SUMF1: variants seen among roughly 807,000 people sequenced by gnomAD.
The protein encoded by SUMF1 is sulfatase modifying factor 1.
SUMF1 carries 48 observed loss-of-function variants against 47.6 expected under a neutral mutation model. The observed-to-expected ratio is 1.01, with a 90% CI of 0.80 to 1.28. SUMF1 has a LOEUF of 1.28. Among genes scored for constraint, SUMF1 ranks in the 50% most tolerant of loss-of-function variants. The probability of loss-of-function intolerance (pLI) is 0.00; values close to 1 mark genes in which losing one functional copy is unlikely to be tolerated. For synonymous variants in SUMF1, 230 were observed against 192.1 expected, an observed-to-expected ratio of 1.20 and a Z score of -1.63; for missense variants, 571 against 485.4, an observed-to-expected ratio of 1.18 and a Z score of -1.66.
At position 4,236,427 on chromosome 3, in the gene SUMF1, C is replaced by T. The variant is rs184710629; in HGVS notation, c.1014+139903G>A. On this transcript the variant is annotated intron_variant and NMD_transcript_variant, in intron 8 of 12. Transcript: ENST00000448413. ...ATAAATGCTTTTTCTAATGACTGGGCCATTAGGAAAAGGGGGAAAATACAT... is the reference window on the plus strand; with the variant it reads ...ATAAATGCTTTTTCTAATGACTGGGTCATTAGGAAAAGGGGGAAAATACAT... Among the ~76,000 whole-genome samples, 12 of 152,018 alleles carry T rather than the reference C, an allele frequency of 7.9e-5. No individual in the cohort carries two copies. In the East Asian group the frequency reaches 2.3e-3, roughly 29 times the overall value.
intron 9 of SUMF1, among the ~76,000 whole-genome samples, chr3:4,047,750 C>G (rs61014554): frequency 0.052 from 7,899 of 152,152 alleles, 710 homozygotes; most frequent in African/African-American, 0.18. Context: ...AATGACATCA[C>G]CCCCTTGCAG....
chr3:4,456,741 C>CGTGTGTGTGTATATAT (rs2079629809), intron 1 of SUMF1, among the ~76,000 whole-genome samples: 2 of 41,590 alleles, frequency 4.8e-5, no homozygotes, highest in Admixed American at 2.5e-4. Context: ...TGTATATATA[C>CGTGTGTGTGTATATAT]ACACATATAT....
chr3:4,227,366 A>C (rs1696196602), intron 8 of SUMF1, among the ~76,000 whole-genome samples: 1 of 133,720 alleles, frequency 7.5e-6, no homozygotes, highest in Non-Finnish European at 1.7e-5. Flanking sequence ...ATGAACACAC[A>C]AAATACACTA....
chr3:4,068,059 G>A (rs1288365688), intron 9 of SUMF1, among the ~76,000 whole-genome samples: 1 of 152,162 alleles, frequency 6.6e-6, no homozygotes, highest in Non-Finnish European at 1.5e-5. Context: ...TAGGCCATTA[G>A]CACCACATGG....
At chr3:4,402,183 T>TG (rs1222855995) in intron 7 of SUMF1, among the ~76,000 whole-genome samples, 1 of 152,070 alleles carries the variant, frequency 6.6e-6, no homozygotes, top group Non-Finnish European at 1.5e-5. Context: ...CTAAAAGAAG[T>TG]GGGGAAAGAA....
chr3:4,366,190 G>T (rs1473686598), intron 8 of SUMF1, among the ~76,000 whole-genome samples: 2 of 151,656 alleles, frequency 1.3e-5, no homozygotes, highest in African/African-American at 4.8e-5. Flanking sequence ...TGATAATTAT[G>T]TGTCTTGGAG....
At chr3:4,130,780 G>C (rs1216742418) in intron 8 of SUMF1, among the ~76,000 whole-genome samples, 1 of 152,076 alleles carries the variant, frequency 6.6e-6, no homozygotes, top group East Asian at 1.9e-4. Flanking sequence ...CCTCAATTAG[G>C]TGTATCACTC....
intron 8 of SUMF1, among the ~76,000 whole-genome samples, chr3:4,243,597 T>G (rs1169829723): frequency 2.0e-5 from 3 of 152,200 alleles, no homozygotes; most frequent in Non-Finnish European, 4.4e-5. Context: ...TAATTCTGAG[T>G]TCTAGTTTGA....
rs1699477101 is a variant in SUMF1 at position 4,350,476 on chromosome 3, G to A, written c.1014+25854C>T. On this transcript the variant is annotated intron_variant and NMD_transcript_variant, in intron 8 of 12. Transcript: ENST00000448413. ...TTTTAAAAGTCTGGAAAGATAGACT[G>A]TTGATAGTAGTCACCTATTGGCATG... Among the ~76,000 whole-genome samples, 6 of 152,080 alleles carry A rather than the reference G, an allele frequency of 3.9e-5. No individual in the cohort carries two copies. The South Asian group carries it at 1.0e-3, about 26-fold the overall frequency.
At chr3:4,271,466 T>TATAGACAG (rs1697300185) in intron 8 of SUMF1, among the ~76,000 whole-genome samples, 1 of 108,374 alleles carries the variant, frequency 9.2e-6, no homozygotes, top group African/African-American at 3.0e-5. Context: ...TTATACTATC[T>TATAGACAG]ATAGATAGAT....
At chr3:4,177,030 T>C (rs1403694172) in intron 8 of SUMF1, among the ~76,000 whole-genome samples, 4 of 152,168 alleles carry the variant, frequency 2.6e-5, no homozygotes, top group African/African-American at 9.7e-5. Context: ...AGCATCCATA[T>C]TCATAAAGCA....
intron 8 of SUMF1, among the ~76,000 whole-genome samples, chr3:4,195,350 G>C (rs568327711): frequency 7.2e-5 from 11 of 152,122 alleles, no homozygotes; most frequent in African/African-American, 2.4e-4. Flanking sequence ...CATAAGCCAA[G>C]GGAAGAGCAA....
At chr3:4,445,514 T>C (rs1702750298) in intron 3 of SUMF1, among the ~76,000 whole-genome samples, 1 of 152,158 alleles carries the variant, frequency 6.6e-6, no homozygotes, top group African/African-American at 2.4e-5. Context: ...ATTTTTTGTA[T>C]TTTTTGTAGA....
At chr3:4,303,583 C>T (rs929327906) in intron 8 of SUMF1, 20 of 1,376,898 alleles carry the variant, frequency 1.5e-5, no homozygotes, top group Non-Finnish European at 1.9e-5. Context: ...CACGTGGTCT[C>T]CTCAAGCCGC....
intron 8 of SUMF1, among the ~76,000 whole-genome samples, chr3:4,183,050 T>C (rs1183359219): frequency 6.6e-6 from 1 of 152,164 alleles, no homozygotes; most frequent in Non-Finnish European, 1.5e-5. Context: ...CAACTGGGAA[T>C]AAGAAAGTTT....
chr3:4,169,690 A>G (rs1872415), intron 8 of SUMF1, among the ~76,000 whole-genome samples: 99,758 of 152,062 alleles, frequency 0.66, 32,892 homozygotes, highest in South Asian at 0.73. Flanking sequence ...TTTGGGGCTG[A>G]CAATCTGCAG....
At chr3:4,343,354 T>C (rs1415317698) in intron 8 of SUMF1, among the ~76,000 whole-genome samples, 1 of 152,192 alleles carries the variant, frequency 6.6e-6, no homozygotes, top group East Asian at 1.9e-4. Flanking sequence ...AGCATGGCAA[T>C]TACACACAGT....
intron 8 of SUMF1, chr3:4,313,917 T>C (rs1042207934): frequency 1.5e-6 from 2 of 1,348,360 alleles, no homozygotes; most frequent in Non-Finnish European, 2.0e-6. Context: ...TGTAATAGAA[T>C]TCTCCATTTA....
chr3:4,078,713 C>A (rs1465377166), intron 8 of SUMF1, among the ~76,000 whole-genome samples: 1 of 151,598 alleles, frequency 6.6e-6, no homozygotes, highest in Non-Finnish European at 1.5e-5. Flanking sequence ...TTGAGTCCAT[C>A]CTGGGCAACA....
Sources: gnomAD v4.1 joint callset for allele counts (sites outside exome capture counted in the v4.1 genomes callset) on GRCh38, gnomAD v4.1.1 for gene constraint, MANE v1.5 for transcripts, NCBI Gene and HGNC (gene_info 2026-07-23, HGNC 2026-07-21) for gene names.